The following FIRRM variants were observed in gnomAD, a reference collection of about 807,000 sequenced individuals.
The protein encoded by FIRRM is FIGNL1-interacting regulator of recombination and mitosis.
the FIRRM span, among the ~76,000 whole-genome samples, chr1:169,811,836 A>G: frequency 4.1e-4 from 62 of 149,700 alleles, no homozygotes; most frequent in African/African-American, 1.3e-3. Context: ...TAAATAGATA[A>G]TAGATTATCT....
At chr1:169,811,747 A>G in the FIRRM span, among the ~76,000 whole-genome samples, 1 of 151,440 alleles carries the variant, frequency 6.6e-6, no homozygotes, top group African/African-American at 2.4e-5. Context: ...TAGACAGATT[A>G]TCTAAATAGA....
chr1:169,805,666 T>G, the FIRRM span, among the ~76,000 whole-genome samples: 3 of 152,174 alleles, frequency 2.0e-5, no homozygotes, highest in African/African-American at 4.8e-5. Flanking sequence ...TTTCTTTCCT[T>G]AGCAATTTGT....
the FIRRM span, among the ~76,000 whole-genome samples, chr1:169,815,251 G>A: frequency 7.3e-5 from 11 of 150,746 alleles, no homozygotes; most frequent in East Asian, 5.9e-4. Context: ...AGCCGAGATC[G>A]CGCCACTGCA....
chr1:169,821,879 A>G, the FIRRM span: 11 of 556,248 alleles, frequency 2.0e-5, no homozygotes, highest in Non-Finnish European at 3.4e-5. Context: ...ATCAAGTCAC[A>G]TATCTAGAAA....
the FIRRM span, among the ~76,000 whole-genome samples, chr1:169,823,930 T>C: frequency 6.6e-6 from 1 of 152,318 alleles, no homozygotes; most frequent in South Asian, 2.1e-4. Context: ...CAGAAAGGTA[T>C]CAAAATTTAG....
the FIRRM span, chr1:169,798,942 T>G: frequency 7.6e-7 from 1 of 1,315,810 alleles, no homozygotes; most frequent in Non-Finnish European, 1.0e-6. Context: ...ATTCTGACAG[T>G]TGGATTGAGC....
chr1:169,836,799 G>A, the FIRRM span: 1 of 608,350 alleles, frequency 1.6e-6, no homozygotes, highest in Non-Finnish European at 2.8e-6. Flanking sequence ...GGTCTGGAAT[G>A]TAGATATTAC....
At chr1:169,822,004 G>A in the FIRRM span, among the ~76,000 whole-genome samples, 13 of 152,124 alleles carry the variant, frequency 8.5e-5, no homozygotes, top group Non-Finnish European at 1.8e-4. Flanking sequence ...ATAGGAAAAA[G>A]CTGATGGTCA....
At chr1:169,795,197 T>C in the FIRRM span, 1 of 1,536,080 alleles carries the variant, frequency 6.5e-7, no homozygotes, top group East Asian at 2.4e-5. Context: ...CTGCCGTCCG[T>C]CCTGCCCCGA....
chr1:169,810,728 A>G, the FIRRM span, among the ~76,000 whole-genome samples: 2 of 151,940 alleles, frequency 1.3e-5, no homozygotes, highest in Admixed American at 1.3e-4. Flanking sequence ...AACAACCCCT[A>G]AAATCGATAT....
At chr1:169,807,060 CTA>C in the FIRRM span, among the ~76,000 whole-genome samples, 4 of 152,194 alleles carry the variant, frequency 2.6e-5, no homozygotes, top group African/African-American at 9.6e-5. Context: ...TCATGTTACT[CTA>C]TTGCTTGAAG....
chr1:169,806,554 G>T, the FIRRM span, among the ~76,000 whole-genome samples: 3 of 152,226 alleles, frequency 2.0e-5, no homozygotes, highest in African/African-American at 7.2e-5. Context: ...CAGGGATAGT[G>T]CCTGTAGCAT....
At chr1:169,803,098 A>G in the FIRRM span, 22 of 1,401,014 alleles carry the variant, frequency 1.6e-5, no homozygotes, top group Non-Finnish European at 2.2e-5. Flanking sequence ...TGTAGCACCC[A>G]GCATGCTGAC....
chr1:169,840,511 CTTTTTTT>C, the FIRRM span, among the ~76,000 whole-genome samples: 47 of 141,584 alleles, frequency 3.3e-4, no homozygotes, highest in Admixed American at 7.8e-4. Context: ...TTTCTTTTTT[CTTTTTTT>C]TTTTTTTGTT....
the FIRRM span, chr1:169,803,959 C>T: frequency 1.8e-6 from 1 of 567,490 alleles, no homozygotes; most frequent in Non-Finnish European, 2.8e-6. Flanking sequence ...GTTCACTAAA[C>T]AATGAATGAA....
chr1:169,810,985 G>A, the FIRRM span, among the ~76,000 whole-genome samples: 41 of 150,950 alleles, frequency 2.7e-4, no homozygotes, highest in Admixed American at 1.9e-3. Flanking sequence ...TCAGCCTCCC[G>A]AGTAGCTGGG....
chr1:169,810,026 T>C, the FIRRM span, among the ~76,000 whole-genome samples: 1 of 152,124 alleles, frequency 6.6e-6, no homozygotes, highest in East Asian at 1.9e-4. Flanking sequence ...CTAACGAGGG[T>C]GTGCCGTCTG....
At chr1:169,830,148 C>A in the FIRRM span, 6 of 841,278 alleles carry the variant, frequency 7.1e-6, no homozygotes, top group African/African-American at 8.6e-5. Flanking sequence ...CATTGAGGAT[C>A]TGTTATTTGG....
the FIRRM span, among the ~76,000 whole-genome samples, chr1:169,798,131 A>G: frequency 6.6e-6 from 1 of 152,212 alleles, no homozygotes; most frequent in East Asian, 1.9e-4. Context: ...AATCGGAAGT[A>G]CAAACTGGGC....
Sources: allele counts gnomAD v4.1 joint callset (sites outside exome capture counted in the v4.1 genomes callset), GRCh38; gene constraint gnomAD v4.1.1; transcripts MANE v1.5; gene names NCBI Gene and HGNC (gene_info 2026-07-23, HGNC 2026-07-21).